PPP1R16B: variants seen among roughly 807,000 people sequenced by gnomAD.
PPP1R16B encodes protein phosphatase 1 regulatory subunit 16B.
PPP1R16B carries 14 observed loss-of-function variants against 61.7 expected under a neutral mutation model. The ratio of observed to expected loss-of-function variants is 0.23; its 90% CI spans 0.15 to 0.35. The LOEUF (loss-of-function observed/expected upper bound fraction) is 0.35, where lower values mean the gene tolerates loss of function less well. PPP1R16B is among the 10% of genes least tolerant of loss of function. PPP1R16B has a pLI of 1.00. For synonymous variants in PPP1R16B, 266 were observed against 305.3 expected, an observed-to-expected ratio of 0.87 and a Z score of 1.34; for missense variants, 547 against 752.5, an observed-to-expected ratio of 0.73 and a Z score of 3.19.
rs565446167 is a variant in PPP1R16B, at chr20:38,858,613, C to A, written c.250+22438C>A. On this transcript the variant is annotated intron_variant, in intron 2 of 10. Coordinates refer to ENST00000299824, the MANE Select transcript of PPP1R16B (RefSeq NM_015568.4). The stretch of plus-strand genomic sequence containing the variant: ...GAATGTACCTAGTGGCTGCCATGCT[C>A]TTCTGGCAATGAGATTGGAGGAAGG... Among the ~76,000 whole-genome samples, 8 of 151,926 alleles carry A rather than the reference C, an allele frequency of 5.3e-5. No individual in the cohort carries two copies. In the South Asian group the frequency reaches 1.7e-3, roughly 32 times the overall value.
intron 2 of PPP1R16B, among the ~76,000 whole-genome samples, chr20:38,872,018 G>T (rs953171137): frequency 1.3e-5 from 2 of 151,968 alleles, no homozygotes; most frequent in African/African-American, 4.8e-5. Context: ...AATCTTCAAG[G>T]TCACCCCTAG....
Position 38,918,122 on chromosome 20 carries a change from C to A in PPP1R16B, c.1195-35C>A, listed in dbSNP as rs2085556652. On this transcript the variant is annotated intron_variant, in intron 10 of 10. Transcript: ENST00000299824. The surrounding 1 kb of genome is among the most constrained non-coding windows in gnomAD (Gnocchi z 5.3). ...AGGTGGATAGTAGGTTCAGATCTTC[C>A]AGCCAGCTGGTAATGTTGTCCTTCT... The A allele has an allele frequency of 6.2e-7, 1 of 1,605,592 alleles. No individual in the cohort carries two copies. Among genetic ancestry groups the A allele is most frequent in the African/African-American group, 1.3e-5 (1 of 74,898 alleles).
intron 10 of PPP1R16B, among the ~76,000 whole-genome samples, chr20:38,913,908 A>G (rs185095226): frequency 6.6e-6 from 1 of 152,264 alleles, no homozygotes; most frequent in Admixed American, 6.5e-5. Context: ...TAAATCATTT[A>G]CCGCTGGGCG....
At chr20:38,840,831 T>C (rs2084904664) in intron 2 of PPP1R16B, among the ~76,000 whole-genome samples, 1 of 152,182 alleles carries the variant, frequency 6.6e-6, no homozygotes, top group African/African-American at 2.4e-5. Context: ...CATCTCCCCA[T>C]CGGTAAAAAT....
chr20:38,836,188 G>GTGCCTTGGCGGCCACGCAGC lies in PPP1R16B; in HGVS notation c.250+23_250+42dup, dbSNP rs992259143. 5.0e-6 allele frequency: 8 copies of GTGCCTTGGCGGCCACGCAGC among 1,601,224 alleles called. No individual in the cohort carries two copies. The highest frequency in any genetic ancestry group is 6.8e-6 in the Non-Finnish European group (8 of 1,174,456). On this transcript the variant is annotated intron_variant, in intron 2 of 10. Coordinates refer to ENST00000299824, the MANE Select transcript of PPP1R16B (RefSeq NM_015568.4). ...GACGCCGAGGAAGGTAGGCCCCTCT[G>GTGCCTTGGCGGCCACGCAGC]TGCCTTGGCGGCCACGCAGCTGCCT...
rs991285177 is a variant in PPP1R16B at position 38,921,069 on chromosome 20, A to G, written c.*2403A>G. Reference sequence around the variant, plus strand: ...CTGAGGCCATTCCCTCCTTTTCCGCATGCCTCCTGCCTCCTGGGCTATTCC... The same window carrying G: ...CTGAGGCCATTCCCTCCTTTTCCGCGTGCCTCCTGCCTCCTGGGCTATTCC... On this transcript the variant is annotated 3_prime_UTR_variant, in exon 11 of 11. Coordinates refer to ENST00000299824, the MANE Select transcript of PPP1R16B (RefSeq NM_015568.4). The G allele has an allele frequency of 2.6e-5, 4 of 152,308 alleles. No individual in the cohort carries two copies. Among genetic ancestry groups the G allele is most frequent in the South Asian group, 2.1e-4 (1 of 4,824 alleles). The allele number at this position is 152,308 out of a possible 1,614,324, so 9.4% of individuals were successfully genotyped here.
chr20:38,909,813 G>A (rs1049813931), intron 10 of PPP1R16B, among the ~76,000 whole-genome samples: 8 of 152,164 alleles, frequency 5.3e-5, no homozygotes, highest in Non-Finnish European at 8.8e-5. Flanking sequence ...GAGAGGGCAC[G>A]TAGGGAAGAT....
At chr20:38,810,447 G>C (rs1218861191) in intron 1 of PPP1R16B, among the ~76,000 whole-genome samples, 3 of 152,222 alleles carry the variant, frequency 2.0e-5, no homozygotes, top group Non-Finnish European at 4.4e-5. Flanking sequence ...TTGCATGGGA[G>C]GAAGGGCTGG....
At chr20:38,824,672 T>G (rs982636529) in intron 1 of PPP1R16B, among the ~76,000 whole-genome samples, 1 of 152,258 alleles carries the variant, frequency 6.6e-6, no homozygotes, top group Non-Finnish European at 1.5e-5. Flanking sequence ...CTTTTAATCG[T>G]CCTTGTTTCC....
chr20:38,830,988 G>A (rs772495988), intron 1 of PPP1R16B, among the ~76,000 whole-genome samples: 1 of 152,174 alleles, frequency 6.6e-6, no homozygotes, highest in Non-Finnish European at 1.5e-5. Flanking sequence ...GAGTAACTGT[G>A]TTCAGGATCT....
chr20:38,876,444 C>T (rs912439723), intron 2 of PPP1R16B, among the ~76,000 whole-genome samples: 7 of 152,068 alleles, frequency 4.6e-5, no homozygotes, highest in Non-Finnish European at 7.3e-5. Context: ...AACAAGGGAG[C>T]GTGTGTTCCA....
chr20:38,895,574 G>A lies in PPP1R16B; in HGVS notation c.331G>A (p.Asp111Asn), dbSNP rs1312218631. 5 of 1,613,674 alleles carry A rather than the reference G, an allele frequency of 3.1e-6. No individual in the cohort carries two copies. The highest frequency in any genetic ancestry group is 4.2e-6 in the Non-Finnish European group (5 of 1,179,782). The change falls in exon 4 of 11, where the codon GAC (aspartate) becomes AAC (asparagine). Residue 111 changes from aspartate (D) to asparagine (N), a missense_variant. Physicochemically the swap from Asp to Asn is conservative, Grantham distance 23. Coordinates refer to ENST00000299824, the MANE Select transcript of PPP1R16B (RefSeq NM_015568.4). Reference protein sequence around the residue: ...GLTALHQCCIDNFEEIVKLLL... With the variant: ...GLTALHQCCINNFEEIVKLLL... The stretch of plus-strand genomic sequence containing the variant: ...TGTGTGTCTCTCCCAGTGCTGCATC[G>A]ACAACTTTGAGGAAATTGTGAAGCT...
At chr20:38,913,977 A>AG (rs1239932870) in intron 10 of PPP1R16B, among the ~76,000 whole-genome samples, 1 of 152,154 alleles carries the variant, frequency 6.6e-6, no homozygotes, top group African/African-American at 2.4e-5. Flanking sequence ...GGATCATCTG[A>AG]GGTCAGGAGT....
intron 10 of PPP1R16B, among the ~76,000 whole-genome samples, chr20:38,910,366 A>G (rs922687149): frequency 1.3e-5 from 2 of 152,126 alleles, no homozygotes; most frequent in Non-Finnish European, 2.9e-5. Context: ...TTCATCATCC[A>G]TGTTCTCTCT....
At chr20:38,894,532 A>G (rs925589051) in intron 3 of PPP1R16B, among the ~76,000 whole-genome samples, 1 of 152,200 alleles carries the variant, frequency 6.6e-6, no homozygotes, top group Non-Finnish European at 1.5e-5. Context: ...TTTAAAAGCA[A>G]TTCTGATCAT....
chr20:38,810,496 C>T (rs1465034586), intron 1 of PPP1R16B, among the ~76,000 whole-genome samples: 2 of 152,214 alleles, frequency 1.3e-5, no homozygotes, highest in African/African-American at 4.8e-5. Flanking sequence ...ATCCTTCCCT[C>T]TTCATTCCAC....
Position 38,835,880 on chromosome 20 carries a change from T to G in PPP1R16B, c.-46T>G. The G allele has an allele frequency of 6.7e-7, 1 of 1,486,570 alleles. No homozygotes were observed. Among genetic ancestry groups the G allele is most frequent in the South Asian group, 1.3e-5 (1 of 76,718 alleles). 92.1% of individuals were successfully genotyped at this position (1,486,570 alleles called of 1,614,324 possible). A position where few individuals can be genotyped will look rare whatever the true frequency, so the allele number is the denominator to read the frequency against. On this transcript the variant is annotated 5_prime_UTR_variant, in exon 2 of 11. Coordinates refer to ENST00000299824, the MANE Select transcript of PPP1R16B (RefSeq NM_015568.4). ...GGCCCCGCGCTGCCCTGGCCCCCGG[T>G]GCACCGTGCTAGCCCCCAGCCAGGG...
intron 2 of PPP1R16B, among the ~76,000 whole-genome samples, chr20:38,849,140 C>T (rs1466204011): frequency 2.6e-5 from 4 of 151,886 alleles, no homozygotes; most frequent in Non-Finnish European, 4.4e-5. Context: ...TTACTGTTTT[C>T]GTATAAGTCC....
intron 3 of PPP1R16B, among the ~76,000 whole-genome samples, chr20:38,891,067 C>T (rs935255566): frequency 9.2e-5 from 14 of 152,202 alleles, no homozygotes; most frequent in African/African-American, 2.9e-4. Context: ...GAGCAGAGAG[C>T]GGGTGGCTGC....
Sources: gnomAD v4.1 joint callset for allele counts (sites outside exome capture counted in the v4.1 genomes callset) on GRCh38, gnomAD v4.1.1 for gene constraint, Gnocchi (gnomAD v3.1) non-coding constraint, MANE v1.5 for transcripts, NCBI Gene and HGNC (gene_info 2026-07-23, HGNC 2026-07-21) for gene names.